The following REDIC1 variants were observed in gnomAD, a reference collection of about 807,000 sequenced individuals.
The protein encoded by REDIC1 is regulator of DNA class I crossover intermediates 1, also known as HEI10 Interacting Protein 1.
the REDIC1 span, chr12:39,682,584 C>G: frequency 3.4e-6 from 5 of 1,474,620 alleles, no homozygotes; most frequent in Non-Finnish European, 3.6e-6. Flanking sequence ...GCTTTTCTTG[C>G]TAAATATGTT....
the REDIC1 span, among the ~76,000 whole-genome samples, chr12:39,896,286 GTA>G: frequency 1.8e-4 from 21 of 119,766 alleles, no homozygotes; most frequent in East Asian, 2.9e-4. Context: ...ATACATGTAT[GTA>G]TATGTGTGTA....
At chr12:39,809,441 T>C in the REDIC1 span, among the ~76,000 whole-genome samples, 2 of 152,194 alleles carry the variant, frequency 1.3e-5, no homozygotes, top group African/African-American at 4.8e-5. Context: ...GAACTGTTTA[T>C]AGGGATTATG....
chr12:39,736,191 G>T, the REDIC1 span, among the ~76,000 whole-genome samples: 2 of 152,210 alleles, frequency 1.3e-5, no homozygotes, highest in Non-Finnish European at 2.9e-5. Context: ...GAGTCAAGGA[G>T]CCAATAGTGT....
At chr12:39,628,545 C>A in the REDIC1 span, among the ~76,000 whole-genome samples, 1 of 152,130 alleles carries the variant, frequency 6.6e-6, no homozygotes, top group Admixed American at 6.6e-5. Flanking sequence ...CTGTTAGGAA[C>A]TTAAAATATA....
the REDIC1 span, among the ~76,000 whole-genome samples, chr12:39,701,682 C>T: frequency 1.3e-5 from 2 of 152,080 alleles, no homozygotes; most frequent in Non-Finnish European, 2.9e-5. Context: ...TGACCACATA[C>T]TTGGAAGTAA....
the REDIC1 span, among the ~76,000 whole-genome samples, chr12:39,734,297 C>A: frequency 6.6e-6 from 1 of 152,190 alleles, no homozygotes; most frequent in East Asian, 1.9e-4. Context: ...ATGCAGAAAT[C>A]ACCCACCTTC....
At chr12:39,640,220 C>T in the REDIC1 span, among the ~76,000 whole-genome samples, 1 of 151,718 alleles carries the variant, frequency 6.6e-6, no homozygotes, top group Non-Finnish European at 1.5e-5. Context: ...CAGATTCATA[C>T]CCTTGTGAAA....
At chr12:39,884,515 A>G in the REDIC1 span, among the ~76,000 whole-genome samples, 1 of 152,212 alleles carries the variant, frequency 6.6e-6, no homozygotes, top group East Asian at 1.9e-4. Flanking sequence ...AAATAAGTAC[A>G]TCATGGCCAA....
the REDIC1 span, chr12:39,830,193 C>G: frequency 6.2e-7 from 1 of 1,613,612 alleles, no homozygotes; most frequent in Non-Finnish European, 8.5e-7. Context: ...GTAGCAGAAA[C>G]CGCAGTCTGG....
the REDIC1 span, among the ~76,000 whole-genome samples, chr12:39,714,297 A>C: frequency 6.8e-6 from 1 of 147,978 alleles, no homozygotes; most frequent in Non-Finnish European, 1.5e-5. Context: ...ATATGCATGC[A>C]TATATGTATA....
the REDIC1 span, among the ~76,000 whole-genome samples, chr12:39,697,373 T>C: frequency 1.3e-5 from 2 of 152,104 alleles, no homozygotes; most frequent in African/African-American, 4.8e-5. Context: ...AAGGAGTACT[T>C]CAGTCAGAAA....
the REDIC1 span, among the ~76,000 whole-genome samples, chr12:39,671,466 G>C: frequency 2.0e-5 from 3 of 152,158 alleles, no homozygotes; most frequent in African/African-American, 7.2e-5. Context: ...GCATGTTTAG[G>C]TGCTGGCATT....
At chr12:39,853,577 TCTTCCTTC>T in the REDIC1 span, among the ~76,000 whole-genome samples, 1 of 151,758 alleles carries the variant, frequency 6.6e-6, no homozygotes, top group South Asian at 2.1e-4. Context: ...TTCCTTCCTT[TCTTCCTTC>T]CTTCCTTCCT....
the REDIC1 span, among the ~76,000 whole-genome samples, chr12:39,712,819 G>A: frequency 0.021 from 2,305 of 110,770 alleles, 89 homozygotes; most frequent in South Asian, 0.03. Context: ...TCGTATACAT[G>A]TGTGTATGTA....
the REDIC1 span, among the ~76,000 whole-genome samples, chr12:39,655,522 C>T: frequency 6.6e-6 from 1 of 152,176 alleles, no homozygotes; most frequent in Non-Finnish European, 1.5e-5. Flanking sequence ...TCCTAGATGA[C>T]CTCAGGTCTG....
the REDIC1 span, among the ~76,000 whole-genome samples, chr12:39,899,842 G>A: frequency 1.3e-5 from 2 of 152,242 alleles, no homozygotes; most frequent in African/African-American, 4.8e-5. Flanking sequence ...TGTGGTCTGA[G>A]AGACAGTTTG....
chr12:39,690,621 A>G, the REDIC1 span, among the ~76,000 whole-genome samples: 1 of 149,156 alleles, frequency 6.7e-6, no homozygotes, highest in Admixed American at 6.6e-5. Flanking sequence ...TCAAATTATT[A>G]AGAAAAAATC....
the REDIC1 span, among the ~76,000 whole-genome samples, chr12:39,626,636 T>G: frequency 6.6e-6 from 1 of 152,164 alleles, no homozygotes; most frequent in Non-Finnish European, 1.5e-5. Context: ...CTTCTCCATG[T>G]CCTATGCTCT....
the REDIC1 span, among the ~76,000 whole-genome samples, chr12:39,862,962 A>G: frequency 6.6e-6 from 1 of 152,202 alleles, no homozygotes; most frequent in Non-Finnish European, 1.5e-5. Flanking sequence ...ATAAAAACCC[A>G]GTAAGCGGAC....
Sources: allele counts gnomAD v4.1 joint callset (sites outside exome capture counted in the v4.1 genomes callset), GRCh38; gene constraint gnomAD v4.1.1; transcripts MANE v1.5; gene names NCBI Gene and HGNC (gene_info 2026-07-23, HGNC 2026-07-21).